Variants in SPAG9 observed in about 807,000 individuals in gnomAD.
SPAG9 encodes the protein sperm associated antigen 9.
SPAG9 carries 35 observed loss-of-function variants against 166.5 expected under a neutral mutation model. That is an observed-to-expected ratio of 0.21 (90% CI 0.16 to 0.28). SPAG9 has a LOEUF of 0.28. SPAG9 is among the 10% of genes least tolerant of loss of function. The pLI is 1.00. For missense variants in SPAG9, 1,235 were observed against 1,603.3 expected, an observed-to-expected ratio of 0.77 and a Z score of 3.92; for synonymous variants, 534 against 565.5, an observed-to-expected ratio of 0.94 and a Z score of 0.79.
intron 9 of SPAG9, among the ~76,000 whole-genome samples, chr17:51,013,677 G>C (rs2045581262): frequency 6.6e-6 from 1 of 152,164 alleles, no homozygotes; most frequent in South Asian, 2.1e-4. Context: ...CAGGCAAATA[G>C]TCTAAGAGCC....
chr17:51,036,557 A>G (rs2046591819), intron 5 of SPAG9, among the ~76,000 whole-genome samples: 1 of 151,356 alleles, frequency 6.6e-6, no homozygotes, highest in Non-Finnish European at 1.5e-5. Context: ...CTCTCCCCCT[A>G]CCACACACAG....
At chr17:51,089,422 C>CT (rs1314314924) in intron 1 of SPAG9, among the ~76,000 whole-genome samples, 11 of 150,592 alleles carry the variant, frequency 7.3e-5, no homozygotes, top group Non-Finnish European at 1.5e-4. Context: ...GAAACTCTGT[C>CT]TCAAAAAAAC....
chr17:51,024,098 C>G (rs2046057729), intron 6 of SPAG9, among the ~76,000 whole-genome samples: 1 of 152,092 alleles, frequency 6.6e-6, no homozygotes, highest in South Asian at 2.1e-4. Flanking sequence ...GAGTTTGAGA[C>G]CAGCCTGGCC....
chr17:50,974,859 C>A lies in SPAG9; in HGVS notation c.3612G>T (p.Gly1204=), dbSNP rs763262316. 39 of 1,612,294 alleles carry A rather than the reference C, an allele frequency of 2.4e-5. No individual in the cohort carries two copies. Among genetic ancestry groups the A allele is most frequent in the Non-Finnish European group, 3.2e-5 (38 of 1,179,608 alleles). ...GDENSDKVTP[G]TFIPYCSMAH... The stretch of plus-strand genomic sequence containing the variant: ...CCATTGAACAATAGGGTATAAATGT[C>A]CCTGGAGTCACTTTATCACTGTTTT... Residue 1204 remains glycine (G), a synonymous_variant, in exon 28 of 30, where the codon GGG becomes GGT. Coordinates refer to ENST00000262013, the MANE Select transcript of SPAG9 (RefSeq NM_001130528.3).
chr17:51,011,956 C>T (rs1051286617), intron 9 of SPAG9, among the ~76,000 whole-genome samples: 1 of 152,102 alleles, frequency 6.6e-6, no homozygotes, highest in Non-Finnish European at 1.5e-5. Context: ...AGTTTGGGGC[C>T]ACCAACCTTA....
At chr17:50,992,098 G>T (rs1045413064) in intron 19 of SPAG9, among the ~76,000 whole-genome samples, 1 of 151,606 alleles carries the variant, frequency 6.6e-6, no homozygotes, top group African/African-American at 2.4e-5. Flanking sequence ...ATATTGCCCA[G>T]ACTGGTCTCA....
intron 2 of SPAG9, among the ~76,000 whole-genome samples, chr17:51,069,034 ATTGT>A: frequency 6.6e-6 from 1 of 152,254 alleles, no homozygotes; most frequent in East Asian, 1.9e-4. Flanking sequence ...GCTGATATAT[ATTGT>A]TTATTAAATA....
At chr17:51,013,901 T>TACAC (rs61242113) in intron 9 of SPAG9, among the ~76,000 whole-genome samples, 11 of 151,064 alleles carry the variant, frequency 7.3e-5, no homozygotes, top group Admixed American at 4.6e-4. Context: ...CACATACACA[T>TACAC]ACACACACAC....
Position 50,996,906 on chromosome 17 carries a change from G to A in SPAG9, c.1839-212C>T, listed in dbSNP as rs137859921. On this transcript the variant is annotated intron_variant, in intron 15 of 29. Transcript: ENST00000262013. Reference sequence around the variant, plus strand: ...TGTAATCCCAACACTTTGGGAGGCCGAGGAGGGCAGATAGCCTGAGGTCAG... The same window carrying A: ...TGTAATCCCAACACTTTGGGAGGCCAAGGAGGGCAGATAGCCTGAGGTCAG... 9.0e-3 allele frequency among the ~76,000 whole-genome samples: 1,378 copies of A among 152,328 alleles called. 30 individuals are homozygous for A. The highest frequency in any genetic ancestry group is 0.063 in the Admixed American group (970 of 15,298).
At chr17:51,094,038 T>C (rs1382105224) in intron 1 of SPAG9, among the ~76,000 whole-genome samples, 1 of 152,144 alleles carries the variant, frequency 6.6e-6, no homozygotes, top group Non-Finnish European at 1.5e-5. Flanking sequence ...TAATAGGGCC[T>C]CCTTCCTGCC....
intron 19 of SPAG9, among the ~76,000 whole-genome samples, chr17:50,993,549 T>C (rs1455336345): frequency 6.6e-6 from 1 of 152,224 alleles, no homozygotes; most frequent in Admixed American, 6.5e-5. Flanking sequence ...AGTTATTTTC[T>C]CATATTCCCA....
chr17:51,014,440 T>C, intron 8 of SPAG9, 87 bp from the exon 9 acceptor site: 6 of 1,100,992 alleles, frequency 5.4e-6, no homozygotes, highest in Admixed American at 2.8e-5. Context: ...CTAAGCTACA[T>C]AGGACTTTCT....
intron 19 of SPAG9, 29 bp downstream of exon 19, chr17:50,993,735 G>A (rs760430561): frequency 1.2e-5 from 19 of 1,607,948 alleles, no homozygotes; most frequent in Middle Eastern, 1.6e-4. Context: ...ATGGAGGGGA[G>A]GGCAGAGAAA....
chr17:50,980,293 C>T (rs1009521833), intron 25 of SPAG9, among the ~76,000 whole-genome samples: 1 of 152,186 alleles, frequency 6.6e-6, no homozygotes, highest in East Asian at 2.0e-4. Flanking sequence ...GCAACCTCCC[C>T]TTCCTGGGTT....
chr17:51,017,390 G>A (rs1327350557), intron 8 of SPAG9, among the ~76,000 whole-genome samples: 1 of 152,188 alleles, frequency 6.6e-6, no homozygotes, highest in East Asian at 1.9e-4. Flanking sequence ...GAGCTAAGAA[G>A]TGATAGAGTT....
intron 6 of SPAG9, among the ~76,000 whole-genome samples, chr17:51,023,079 T>C (rs565146910): frequency 3.4e-5 from 5 of 149,160 alleles, no homozygotes; most frequent in South Asian, 2.1e-4. Flanking sequence ...CTGTAAAATA[T>C]AGATAACAGT....
intron 28 of SPAG9, 52 bp from the exon 29 acceptor site, chr17:50,970,908 G>T (rs1452454530): frequency 1.9e-5 from 26 of 1,375,978 alleles, no homozygotes; most frequent in South Asian, 6.7e-5. Flanking sequence ...AAGGGAGGCT[G>T]TTTTGTTTTT....
intron 2 of SPAG9, among the ~76,000 whole-genome samples, chr17:51,069,974 C>G (rs2047777167): frequency 6.6e-6 from 1 of 151,962 alleles, no homozygotes; most frequent in Non-Finnish European, 1.5e-5. Context: ...CTTAAAATCA[C>G]AGCCACGGGT....
intron 15 of SPAG9, among the ~76,000 whole-genome samples, chr17:50,997,010 C>A: frequency 6.6e-6 from 1 of 152,148 alleles, no homozygotes; most frequent in East Asian, 1.9e-4. Flanking sequence ...CACGGTAGTG[C>A]GGACCTATAA....
Sources: allele counts gnomAD v4.1 joint callset (sites outside exome capture counted in the v4.1 genomes callset), GRCh38; gene constraint gnomAD v4.1.1; transcripts MANE v1.5; gene names NCBI Gene and HGNC (gene_info 2026-07-23, HGNC 2026-07-21).